NAA25: variants seen among roughly 807,000 people sequenced by gnomAD.
NAA25 encodes the protein N-terminal acetyltransferase B complex subunit NAA25.
Under a neutral mutation model 132.5 loss-of-function variants are expected in NAA25, and 30 were observed. The observed-to-expected ratio is 0.23, with a 90% CI of 0.17 to 0.31. The LOEUF is 0.31. Ranked by LOEUF, NAA25 falls within the 10% of genes least tolerant of loss-of-function variation. NAA25 has a pLI of 1.00. For missense variants in NAA25, 771 were observed against 1,150.4 expected (o/e 0.67, Z 4.77); for synonymous variants, 359 against 401.9 (o/e 0.89, Z 1.28).
Position 112,028,592 on chromosome 12 carries a change from TA to T in NAA25, c.*938del, listed in dbSNP as rs1246173840. 6.6e-6 allele frequency: 1 copy of T among 152,040 alleles called. No homozygotes were observed. Among genetic ancestry groups the T allele is most frequent in the Non-Finnish European group, 1.5e-5 (1 of 68,014 alleles). 9.4% of individuals were successfully genotyped at this position (152,040 alleles called of 1,614,324 possible). On this transcript the variant is annotated 3_prime_UTR_variant, in exon 24 of 24. Transcript: ENST00000261745. ...CCCAAACCCCCCACACTTAAAACAT[TA>T]AAGTATTAAATCTTAATTTTCAAGT...
chr12:112,073,140 C>T (rs55798618), intron 9 of NAA25, among the ~76,000 whole-genome samples: 2 of 151,472 alleles, frequency 1.3e-5, no homozygotes, highest in African/African-American at 4.9e-5. Flanking sequence ...GGGGCTGAGG[C>T]AAAAGGATCA....
At chr12:112,064,376 A>C in intron 11 of NAA25, 1 of 152,146 alleles carries the variant, frequency 6.6e-6, no homozygotes, top group South Asian at 2.1e-4. Flanking sequence ...CAGTACAGGC[A>C]TGCACCACCA....
Position 112,081,096 on chromosome 12 carries a change from G to A in NAA25, c.441C>T (p.Pro147=). 1 of 1,613,490 alleles carries A rather than the reference G, an allele frequency of 6.2e-7. No homozygotes were observed. The highest frequency in any genetic ancestry group is 8.5e-7 in the Non-Finnish European group (1 of 1,179,478). ...MALYKIVPKN[P]YYFWSVMSLI... is the part of the protein sequence containing the mutation. Reference sequence around the variant, plus strand: ...AGCTCATCACAGACCAAAAGTAGTAGGGATTTTTGGGGACAATCTTATATA... The same window carrying A: ...AGCTCATCACAGACCAAAAGTAGTAAGGATTTTTGGGGACAATCTTATATA... The change falls in exon 5 of 24, where the codon CCC becomes CCT. Residue 147 remains proline, a synonymous_variant. Coordinates refer to ENST00000261745, the MANE Select transcript of NAA25 (RefSeq NM_024953.4).
At chr12:112,041,068 C>A (rs4766760) in intron 20 of NAA25, among the ~76,000 whole-genome samples, 10,778 of 151,906 alleles carry the variant, frequency 0.071, 1,492 homozygotes, top group East Asian at 0.61. Context: ...GTAGTCCCAG[C>A]TACTCAGGAG....
chr12:112,066,574 C>A (rs144282864), intron 11 of NAA25, among the ~76,000 whole-genome samples: 1 of 152,248 alleles, frequency 6.6e-6, no homozygotes, highest in East Asian at 1.9e-4. Flanking sequence ...CTTGACAGAC[C>A]AAACCTCTCC....
At chr12:112,073,154 G>T (rs78525341) in intron 9 of NAA25, among the ~76,000 whole-genome samples, 2,193 of 151,876 alleles carry the variant, frequency 0.014, 61 homozygotes, top group African/African-American at 0.05. Flanking sequence ...AGGATCACTT[G>T]AGCCCAGGAG....
intron 4 of NAA25, among the ~76,000 whole-genome samples, chr12:112,086,090 A>G (rs1297938133): frequency 1.5e-5 from 2 of 134,104 alleles, no homozygotes; most frequent in Admixed American, 7.8e-5. Flanking sequence ...ACACACACAC[A>G]CACACACACA....
intron 3 of NAA25, among the ~76,000 whole-genome samples, chr12:112,088,520 G>A (rs2079087546): frequency 6.6e-6 from 1 of 150,922 alleles, no homozygotes; most frequent in Non-Finnish European, 1.5e-5. Context: ...GTTTCGCCAT[G>A]TTGCCCAGGC....
intron 13 of NAA25, among the ~76,000 whole-genome samples, chr12:112,058,634 G>C (rs890988248): frequency 5.3e-4 from 80 of 152,242 alleles, no homozygotes; most frequent in African/African-American, 1.9e-3. Context: ...TTTAAGAATG[G>C]CATGATAAGG....
At chr12:112,104,912 G>A (rs989584568) in intron 1 of NAA25, among the ~76,000 whole-genome samples, 7 of 152,048 alleles carry the variant, frequency 4.6e-5, no homozygotes, top group Admixed American at 6.6e-5. Context: ...CAGCTACTCA[G>A]GAGGCTGAGG....
intron 15 of NAA25, among the ~76,000 whole-genome samples, chr12:112,052,084 C>T (rs2078475123): frequency 6.6e-6 from 1 of 152,128 alleles, no homozygotes; most frequent in African/African-American, 2.4e-5. Flanking sequence ...TTTCTTTCAT[C>T]TCTCTTATAA....
At chr12:112,060,895 G>GA (rs1465764946) in intron 12 of NAA25, among the ~76,000 whole-genome samples, 1 of 152,104 alleles carries the variant, frequency 6.6e-6, no homozygotes, top group African/African-American at 2.4e-5. Context: ...CCTACAAGCA[G>GA]AAAATGTGAT....
intron 7 of NAA25, among the ~76,000 whole-genome samples, 187 bp downstream of exon 7, chr12:112,078,001 C>G (rs1328019348): frequency 6.6e-6 from 1 of 151,802 alleles, no homozygotes; most frequent in Middle Eastern, 3.2e-3. Context: ...GTTTCTGAAT[C>G]TGTTATTTTC....
intron 1 of NAA25, among the ~76,000 whole-genome samples, chr12:112,096,145 C>G (rs892538310): frequency 5.3e-5 from 8 of 152,158 alleles, no homozygotes; most frequent in African/African-American, 1.9e-4. Context: ...GCTCTAAAAA[C>G]AGTCTATTAA....
intron 1 of NAA25, among the ~76,000 whole-genome samples, chr12:112,104,373 C>A (rs777552069): frequency 6.6e-6 from 1 of 151,164 alleles, no homozygotes; most frequent in Non-Finnish European, 1.5e-5. Flanking sequence ...TTCCAATTAT[C>A]TAAAAATATG....
intron 13 of NAA25, among the ~76,000 whole-genome samples, chr12:112,054,892 C>T (rs2078521436): frequency 6.6e-6 from 1 of 152,156 alleles, no homozygotes; most frequent in African/African-American, 2.4e-5. Context: ...AAAACTGGAG[C>T]TCAGCACCTT....
Position 112,026,830 on chromosome 12 carries a change from GCCTGTAGATAC to G in NAA25, c.*2690_*2700del, listed in dbSNP as rs2078092790. 6.6e-6 allele frequency: 1 copy of G among 152,108 alleles called. No homozygotes were observed. The highest frequency in any genetic ancestry group is 2.1e-4 in the South Asian group (1 of 4,826). 9.4% of individuals were successfully genotyped at this position (152,108 alleles called of 1,614,324 possible). A position where few individuals can be genotyped will look rare whatever the true frequency, so the allele number is the denominator to read the frequency against. On this transcript the variant is annotated 3_prime_UTR_variant, in exon 24 of 24. Transcript: ENST00000261745. ...AATAAGTAGGAAGTTTCAATAACAA[GCCTGTAGATAC>G]ATTGAAACCCCTTTTTATATTAAAA...
chr12:112,060,514 C>T (rs1438813191), intron 12 of NAA25, among the ~76,000 whole-genome samples, 155 bp from the exon 13 acceptor site: 1 of 151,922 alleles, frequency 6.6e-6, no homozygotes, highest in African/African-American at 2.4e-5. Context: ...ATATAAGCCA[C>T]GATTCAAAGG....
At chr12:112,052,441 G>A (rs534689150) in intron 15 of NAA25, among the ~76,000 whole-genome samples, 33 of 152,224 alleles carry the variant, frequency 2.2e-4, no homozygotes, top group Non-Finnish European at 4.1e-4. Flanking sequence ...GGGGATACAG[G>A]ACTAAGAACC....
Sources: gnomAD v4.1 joint callset for allele counts (sites outside exome capture counted in the v4.1 genomes callset) on GRCh38, gnomAD v4.1.1 for gene constraint, MANE v1.5 for transcripts, NCBI Gene and HGNC (gene_info 2026-07-23, HGNC 2026-07-21) for gene names.